ZNF518B: variants seen among roughly 807,000 people sequenced by gnomAD.
ZNF518B encodes zinc finger protein 518B.
Under a neutral mutation model 56.3 loss-of-function variants are expected in ZNF518B, and 23 were observed. The observed-to-expected ratio is 0.41, with a 90% CI of 0.29 to 0.58. The LOEUF is 0.58. Among genes scored for constraint, ZNF518B ranks in the 20% least tolerant of loss-of-function variants. The pLI, the probability that ZNF518B is intolerant of heterozygous loss-of-function variation, is 0.32. For missense variants in ZNF518B, 1,460 were observed against 1,272.1 expected (o/e 1.15, Z -2.25); for synonymous variants, 529 against 465.9 (o/e 1.14, Z -1.74).
At chr4:10,449,397 T>C (rs926586830) in intron 2 of ZNF518B, among the ~76,000 whole-genome samples, 1 of 152,226 alleles carries the variant, frequency 6.6e-6, no homozygotes, top group Non-Finnish European at 1.5e-5. Context: ...CCTTAAAACA[T>C]CTTCTCCAAT....
intron 2 of ZNF518B, chr4:10,452,563 T>G (rs554279841): frequency 6.6e-6 from 1 of 152,264 alleles, no homozygotes; most frequent in Admixed American, 6.5e-5. Context: ...AGGAAGAAAC[T>G]GTTGCCTCAG....
chr4:10,457,438 G>A (rs971796384), upstream of ZNF518B: 2 of 152,104 alleles, frequency 1.3e-5, no homozygotes, highest in African/African-American at 4.8e-5. Flanking sequence ...CGCCAGCCCC[G>A]CGCGTGCGCA....
chr4:10,447,691 C>G (rs1715125662), intron 2 of ZNF518B, among the ~76,000 whole-genome samples: 4 of 145,492 alleles, frequency 2.7e-5, no homozygotes, highest in South Asian at 2.2e-4. Context: ...CTCTTGTTGC[C>G]CAGGCTGGAG....
In ZNF518B at chr4:10,443,573, A is replaced by G. The variant is rs1341919879; in HGVS notation, c.2756T>C (p.Val919Ala). 1.2e-6 allele frequency: 2 copies of G among 1,613,954 alleles called. No individual in the cohort carries two copies. The highest frequency in any genetic ancestry group is 2.7e-5 in the African/African-American group (2 of 74,876). Residue 919 changes from valine (V) to alanine (A), a missense_variant, in exon 3 of 3, where the codon GTT becomes GCT. Transcript: ENST00000326756. ...RCLKDPSIFQ[V>A]ARQLRLIAAK... Reference sequence around the variant, plus strand: ...TGCTATCAGTCTTAGTTGCCTTGCAACCTGAAAAATTGAAGGATCCTTGAG... The same window carrying G: ...TGCTATCAGTCTTAGTTGCCTTGCAGCCTGAAAAATTGAAGGATCCTTGAG...
Position 10,444,100 on chromosome 4 carries a change from T to C in ZNF518B, c.2229A>G (p.Gln743=), listed in dbSNP as rs780514248. The C allele has an allele frequency of 3.1e-6, 5 of 1,614,104 alleles. No individual in the cohort carries two copies. In the Admixed American group the frequency reaches 5.0e-5, roughly 16 times the overall value. Residue 743 remains glutamine, a synonymous_variant, in exon 3 of 3, where the codon CAA becomes CAG. Transcript: ENST00000326756. Reference sequence around the variant, plus strand: ...TGCCATCTGCAAAGTGTGGATATATTTGTTGATGAGTAAGCTGTCTATTAC... The same window carrying C: ...TGCCATCTGCAAAGTGTGGATATATCTGTTGATGAGTAAGCTGTCTATTAC... The part of the protein sequence containing the change: ...ITGNRQLTHQ[Q]IYPHFADGSN...
upstream of ZNF518B, among the ~76,000 whole-genome samples, chr4:10,460,312 AAAAAAAAAAAACC>A (rs1178121154): frequency 4.5e-3 from 427 of 95,182 alleles, 35 homozygotes; most frequent in African/African-American, 0.03. Context: ...CTCAAAAAAA[AAAAAAAAAAAACC>A]AAAAAAAAAA....
rs781355998 is a variant in ZNF518B at position 10,443,885 on chromosome 4, G to A, written c.2444C>T (p.Pro815Leu). The change falls in exon 3 of 3, where the codon CCT becomes CTT. Residue 815 changes from proline (P) to leucine (L), a missense_variant. Transcript: ENST00000326756. The part of the protein sequence containing the change: ...RQLIKPVPFC[P>L]VRQADSDLQP... ...TAAGTCTGAGTCCGCCTGTCTCACA[G>A]GGCAAAATGGAACTGGTTTTATTAA... 3 of 1,614,188 alleles carry A rather than the reference G, an allele frequency of 1.9e-6. No homozygotes were observed. Among genetic ancestry groups the A allele is most frequent in the Non-Finnish European group, 2.5e-6 (3 of 1,180,024 alleles).
upstream of ZNF518B, among the ~76,000 whole-genome samples, chr4:10,461,288 C>G (rs1407497756): frequency 3.3e-5 from 5 of 152,376 alleles, no homozygotes; most frequent in African/African-American, 1.2e-4. Context: ...GCGGCGCAGG[C>G]CCACTCTCTT....
chr4:10,443,833 TG>T lies in ZNF518B; in HGVS notation c.2495del (p.Pro832GlnfsTer2). ...TCTCGATATTTGGGGACATATCTAT[TG>T]GCCCCCTTTCACTTCTTAAAGGCTG... ...DLQPLRSERG[P>X]IDMSPNIETP... is the part of the protein sequence containing the mutation. On this transcript the variant is annotated frameshift_variant, in exon 3 of 3. Transcript: ENST00000326756. LOFTEE classifies it high-confidence loss of function. 6.2e-7 allele frequency: 1 copy of T among 1,614,238 alleles called. No homozygotes were observed. The highest frequency in any genetic ancestry group is 8.5e-7 in the Non-Finnish European group (1 of 1,180,034).
intron 2 of ZNF518B, chr4:10,454,064 C>G (rs1300227051): frequency 6.6e-6 from 1 of 152,212 alleles, no homozygotes; most frequent in African/African-American, 2.4e-5. Flanking sequence ...GCTATGCAGC[C>G]AAGGCTGCAA....
At chr4:10,460,731 G>T (rs554354125), upstream of ZNF518B, among the ~76,000 whole-genome samples, 6 of 152,282 alleles carry the variant, frequency 3.9e-5, no homozygotes, top group South Asian at 1.0e-3. Context: ...CTCTTGCTCT[G>T]AACTTCCTTC....
Position 10,444,860 on chromosome 4 carries a change from A to G in ZNF518B, c.1469T>C (p.Phe490Ser). 6.2e-7 allele frequency: 1 copy of G among 1,613,974 alleles called. No individual in the cohort carries two copies. Among genetic ancestry groups the G allele is most frequent in the Non-Finnish European group, 8.5e-7 (1 of 1,179,908 alleles). Residue 490 changes from phenylalanine to serine, a missense_variant, in exon 3 of 3, where the codon TTT becomes TCT. By Grantham distance (155) the Phe-to-Ser change is radical. Coordinates refer to ENST00000326756, the MANE Select transcript of ZNF518B (RefSeq NM_053042.3). ...ALKGHSLASV[F>S]KNSVLRSLGA... ...AAGACTACGTAAAACACTGTTTTTA[A>G]ATACAGATGCTAGAGAATGACCTTT... is the stretch of plus-strand genomic sequence containing the variant.
chr4:10,452,385 A>G (rs1226794553), intron 2 of ZNF518B: 2 of 152,186 alleles, frequency 1.3e-5, no homozygotes, highest in Non-Finnish European at 2.9e-5. Flanking sequence ...TTATATCTAT[A>G]TTCCTTCTGT....
At chr4:10,448,001 CA>C (rs2108990788) in intron 2 of ZNF518B, among the ~76,000 whole-genome samples, 1 of 152,274 alleles carries the variant, frequency 6.6e-6, no homozygotes, top group Non-Finnish European at 1.5e-5. Flanking sequence ...CAGAATATGG[CA>C]AACTAGGAGC....
rs893839525 is a variant in ZNF518B, at chr4:10,442,845, T to G, written c.*259A>C. 1.2e-5 allele frequency: 5 copies of G among 410,788 alleles called. No individual in the cohort carries two copies. The highest frequency in any genetic ancestry group is 9.9e-5 in the African/African-American group (5 of 50,400). 25.4% of individuals were successfully genotyped at this position (410,788 alleles called of 1,614,324 possible). On this transcript the variant is annotated 3_prime_UTR_variant, in exon 3 of 3. Coordinates refer to ENST00000326756, the MANE Select transcript of ZNF518B (RefSeq NM_053042.3). ...GAAAAGTCTCAGATCCCACTGAAAA[T>G]CTGTTCAGTTTCACAGGCTCTCTCC... is the stretch of plus-strand genomic sequence containing the variant.
At chr4:10,451,613 C>G (rs946053474) in intron 2 of ZNF518B, 5 of 152,186 alleles carry the variant, frequency 3.3e-5, no homozygotes, top group African/African-American at 1.2e-4. Context: ...ATACAGTTTT[C>G]TTAGCTGCCT....
intron 1 of ZNF518B, among the ~76,000 whole-genome samples, chr4:10,455,981 G>A (rs1704658070): frequency 6.6e-6 from 1 of 152,154 alleles, no homozygotes; most frequent in Admixed American, 6.5e-5. Context: ...GCTGAACTTT[G>A]CATATGTGAC....
chr4:10,456,928 G>T (rs1715561806), intron 1 of ZNF518B, among the ~76,000 whole-genome samples: 1 of 151,256 alleles, frequency 6.6e-6, no homozygotes, highest in Non-Finnish European at 1.5e-5. Context: ...CGGCCCCGCG[G>T]GACGCTGCCA....
rs771975756 is a variant in ZNF518B at position 10,443,635 on chromosome 4, C to T, written c.2694G>A (p.Arg898=). Reference sequence around the variant, plus strand: ...GTTCAGCTTGAATTTTGTTTTTCTTCCTGGATAAGTGTACTTGTTTGGTTT... The same window carrying T: ...GTTCAGCTTGAATTTTGTTTTTCTTTCTGGATAAGTGTACTTGTTTGGTTT... ...RNKTKQVHLS[R]KKNKIQAEPS... Residue 898 remains arginine (R), a synonymous_variant, in exon 3 of 3, where the codon AGG becomes AGA. Coordinates refer to ENST00000326756, the MANE Select transcript of ZNF518B (RefSeq NM_053042.3). The T allele has an allele frequency of 4.4e-5, 71 of 1,613,986 alleles. No homozygotes were observed. Among genetic ancestry groups the T allele is most frequent in the Non-Finnish European group, 5.7e-5 (67 of 1,179,990 alleles).
Sources: allele counts gnomAD v4.1 joint callset (sites outside exome capture counted in the v4.1 genomes callset), GRCh38; gene constraint gnomAD v4.1.1; transcripts MANE v1.5; gene names NCBI Gene and HGNC (gene_info 2026-07-23, HGNC 2026-07-21).